Variants in DST observed in about 807,000 individuals in gnomAD.
DST encodes dystonin.
DST carries 253 observed loss-of-function variants against 875.2 expected under a neutral mutation model. That is an observed-to-expected ratio of 0.29 (90% CI 0.26 to 0.32). The LOEUF (loss-of-function observed/expected upper bound fraction) is 0.32. Ranked by LOEUF, DST falls within the 10% of genes least tolerant of loss-of-function variation. The pLI is 1.00. For synonymous variants in DST, 3,124 were observed against 3,197.1 expected, an observed-to-expected ratio of 0.98 and a Z score of 0.77; for missense variants, 8,287 against 9,111.6, an observed-to-expected ratio of 0.91 and a Z score of 3.68.
intron 23 of DST, 113 bp from the exon 24 acceptor site, chr6:56,635,827 T>A (rs888850593): frequency 1.4e-5 from 16 of 1,132,814 alleles, no homozygotes; most frequent in Middle Eastern, 2.0e-4. Context: ...GAGAAGAGAA[T>A]AAAAGCACAA....
intron 10 of DST, among the ~76,000 whole-genome samples, chr6:56,670,060 T>A (rs1033308380): frequency 6.6e-6 from 1 of 151,560 alleles, no homozygotes; most frequent in Non-Finnish European, 1.5e-5. Flanking sequence ...AGAGGCAAAA[T>A]CAAAGTCTGC....
Position 56,607,043 on chromosome 6 carries a change from T to C in DST, c.7585A>G (p.Asn2529Asp), listed in dbSNP as rs534076012. ...VQYHNDKYIS[N>D]TSGEDEKTHP... ...GTTTTTTCATCCTCACCAGAAGTAT[T>C]TGAAATGTATTTATCATTGTGATAT... Residue 2529 changes from asparagine to aspartate, a missense_variant, in exon 40 of 104, where the codon AAT becomes GAT. By Grantham distance (23) the Asn-to-Asp change is conservative (BLOSUM62 1). This residue lies in a region of DST where 3,138 missense variants were observed against 3,116.6 expected (regional missense o/e 1.01). Transcript: ENST00000680361. 4.2e-5 allele frequency: 67 copies of C among 1,613,356 alleles called. 1 individual carries two copies. Among genetic ancestry groups the C allele is most frequent in the South Asian group, 1.9e-4 (17 of 91,064 alleles).
At chr6:56,785,649 C>G (rs913583067) in intron 4 of DST, 2 of 152,562 alleles carry the variant, frequency 1.3e-5, no homozygotes, top group African/African-American at 4.8e-5. Flanking sequence ...GAACTAACTC[C>G]CCGACCCCTT....
intron 2 of DST, among the ~76,000 whole-genome samples, chr6:56,908,118 T>C (rs140206230): frequency 3.3e-4 from 50 of 150,888 alleles, no homozygotes; most frequent in African/African-American, 9.4e-4. Flanking sequence ...CACACACACA[T>C]ATATACACAC....
At chr6:56,947,250 C>CTTT (rs34159658) in intron 2 of DST, among the ~76,000 whole-genome samples, 36 of 135,438 alleles carry the variant, frequency 2.7e-4, no homozygotes, top group South Asian at 4.7e-4. Flanking sequence ...GCTACTCTCT[C>CTTT]TTTTTTTTTT....
At chr6:56,702,727 G>A (rs565777662) in intron 7 of DST, among the ~76,000 whole-genome samples, 1 of 152,222 alleles carries the variant, frequency 6.6e-6, no homozygotes, top group South Asian at 2.1e-4. Context: ...TAGCATGAAG[G>A]AAACAGAGGA....
chr6:56,624,044 T>C (rs895946184), intron 36 of DST, among the ~76,000 whole-genome samples: 1 of 151,892 alleles, frequency 6.6e-6, no homozygotes, highest in African/African-American at 2.4e-5. Flanking sequence ...TGTAAAAACG[T>C]CTACTACTTC....
chr6:56,471,715 C>T (rs1023515520), intron 94 of DST: 6 of 382,710 alleles, frequency 1.6e-5, no homozygotes, highest in African/African-American at 1.2e-4. Context: ...CAAATACACA[C>T]AATCAAAAGA....
At chr6:56,904,013 C>T (rs374445422) in intron 2 of DST, among the ~76,000 whole-genome samples, 1 of 152,058 alleles carries the variant, frequency 6.6e-6, no homozygotes, top group East Asian at 1.9e-4. Flanking sequence ...TATTTCCTCA[C>T]CTATAAAATA....
At chr6:56,617,170 C>T in intron 36 of DST, 1 of 1,601,750 alleles carries the variant, frequency 6.2e-7, no homozygotes, top group Non-Finnish European at 8.5e-7. Context: ...CCACCAACTG[C>T]CTGGCAGTCA....
intron 50 of DST, among the ~76,000 whole-genome samples, chr6:56,577,060 T>C (rs2097879950): frequency 6.6e-6 from 1 of 152,228 alleles, no homozygotes; most frequent in African/African-American, 2.4e-5. Flanking sequence ...GTAAGAATGT[T>C]ATTTTTTTAA....
intron 5 of DST, among the ~76,000 whole-genome samples, chr6:56,707,605 C>G (rs977490682): frequency 2.6e-5 from 4 of 152,074 alleles, no homozygotes; most frequent in Non-Finnish European, 4.4e-5. Context: ...ATGCCTACAC[C>G]CTACCAGACT....
chr6:56,546,370 ATATATATATATATATATAT>A (rs2097223989), intron 61 of DST, among the ~76,000 whole-genome samples: 1 of 136,128 alleles, frequency 7.3e-6, no homozygotes, highest in South Asian at 2.4e-4. Flanking sequence ...ATATATATAT[ATATATATATATATATATAT>A]AAATGTCAAA....
intron 9 of DST, chr6:56,692,640 G>T: frequency 2.3e-6 from 3 of 1,289,778 alleles, no homozygotes; most frequent in Non-Finnish European, 3.0e-6. Context: ...TTTTTTCCTG[G>T]AATGTTATTT....
chr6:56,620,586 G>T, intron 36 of DST: 1 of 1,613,958 alleles, frequency 6.2e-7, no homozygotes, highest in South Asian at 1.1e-5. Context: ...TGTTTCTTTA[G>T]TTCAGCTACC....
intron 15 of DST, 96 bp downstream of exon 15, chr6:56,645,770 G>A: frequency 7.0e-7 from 1 of 1,424,958 alleles, no homozygotes. Flanking sequence ...ACTTATCCAA[G>A]GCCAAGTAAA....
chr6:56,839,229 G>A (rs1109481), intron 4 of DST, among the ~76,000 whole-genome samples: 2 of 152,120 alleles, frequency 1.3e-5, no homozygotes, highest in Admixed American at 6.5e-5. Flanking sequence ...AAATAGAGGA[G>A]TCTGAGTCCC....
intron 3 of DST, among the ~76,000 whole-genome samples, chr6:56,856,940 A>G (rs1768179736): frequency 1.3e-5 from 2 of 152,116 alleles, no homozygotes; most frequent in African/African-American, 2.4e-5. Context: ...ATAAGTATTC[A>G]TTGGTCTACT....
At chr6:56,520,008 G>C (rs1050119193) in intron 69 of DST, among the ~76,000 whole-genome samples, 3 of 152,218 alleles carry the variant, frequency 2.0e-5, no homozygotes, top group Non-Finnish European at 4.4e-5. Flanking sequence ...AAATTAGAAG[G>C]CTTCATCAAC....
Sources: gnomAD v4.1 joint callset for allele counts (sites outside exome capture counted in the v4.1 genomes callset) on GRCh38, gnomAD v4.1.1 for gene constraint, gnomAD v4.1.1 regional missense constraint, MANE v1.5 for transcripts, NCBI Gene and HGNC (gene_info 2026-07-23, HGNC 2026-07-21) for gene names.